ITFG1: variants seen among roughly 807,000 people sequenced by gnomAD.
ITFG1 encodes the protein integrin alpha FG-GAP repeat containing 1, also known as T-cell immunomodulatory protein.
A neutral mutation model predicts 81.8 loss-of-function variants in ITFG1; 34 were observed. The ratio of observed to expected loss-of-function variants is 0.42; its 90% CI spans 0.32 to 0.55. ITFG1 has a LOEUF of 0.55. ITFG1 is among the 20% of genes least tolerant of loss of function. The pLI is 0.17. For missense variants in ITFG1, 672 were observed against 755.4 expected (o/e 0.89, Z 1.29); for synonymous variants, 285 against 270.6 (o/e 1.05, Z -0.52).
At chr16:47,273,236 A>G (rs115960711) in intron 10 of ITFG1, among the ~76,000 whole-genome samples, 3,079 of 152,128 alleles carry the variant, frequency 0.02, 105 homozygotes, top group African/African-American at 0.07. Flanking sequence ...AAGAGCTTCA[A>G]TGTGGGGATA....
At chr16:47,415,679 A>G (rs1968864692) in intron 6 of ITFG1, among the ~76,000 whole-genome samples, 1 of 152,162 alleles carries the variant, frequency 6.6e-6, no homozygotes, top group Non-Finnish European at 1.5e-5. Flanking sequence ...TTTTCCAATC[A>G]TAATGATTGG....
intron 8 of ITFG1, among the ~76,000 whole-genome samples, chr16:47,340,926 C>G (rs954532978): frequency 4.0e-5 from 6 of 151,898 alleles, no homozygotes; most frequent in Admixed American, 3.9e-4. Flanking sequence ...GACAATTCAC[C>G]AAGAAGATAT....
At chr16:47,294,398 C>A (rs1348757115) in intron 10 of ITFG1, among the ~76,000 whole-genome samples, 1 of 152,048 alleles carries the variant, frequency 6.6e-6, no homozygotes, top group Non-Finnish European at 1.5e-5. Flanking sequence ...TGAAAACTGA[C>A]ATTGGCATTT....
At chr16:47,177,342 A>G (rs532944413) in intron 14 of ITFG1, among the ~76,000 whole-genome samples, 1 of 152,214 alleles carries the variant, frequency 6.6e-6, no homozygotes, top group East Asian at 1.9e-4. Context: ...ACTTGGGGTA[A>G]TAATTTGTGT....
chr16:47,293,179 C>T (rs376552736), intron 10 of ITFG1, among the ~76,000 whole-genome samples: 52 of 121,676 alleles, frequency 4.3e-4, no homozygotes, highest in African/African-American at 1.9e-3. Context: ...ATATCATATA[C>T]AAATGATATA....
rs746470617 is a variant in ITFG1 at position 47,454,127 on chromosome 16, G to A, written c.313C>T (p.Pro105Ser). The A allele has an allele frequency of 3.1e-6, 5 of 1,606,324 alleles. No homozygotes were observed. Among genetic ancestry groups the A allele is most frequent in the South Asian group, 1.1e-5 (1 of 90,178 alleles). The change falls in exon 3 of 18, where the codon CCT (proline) becomes TCT (serine). Residue 105 changes from proline to serine, a missense_variant. Transcript: ENST00000320640. ...NHSALITSVVPGDYDGDSQMD... is the reference protein window; with the variant it reads ...NHSALITSVVSGDYDGDSQMD... Reference sequence around the variant, plus strand: ...TGAGAATCTCCATCATAATCCCCAGGGACTACACTTGTTATCAATGCACTG... The same window carrying A: ...TGAGAATCTCCATCATAATCCCCAGAGACTACACTTGTTATCAATGCACTG...
chr16:47,312,902 A>T (rs188102458), intron 9 of ITFG1: 48 of 152,324 alleles, frequency 3.2e-4, no homozygotes, highest in Admixed American at 2.9e-3. Flanking sequence ...AATTACTAGG[A>T]TTACTAATAA....
chr16:47,361,016 T>C (rs1869061290), intron 8 of ITFG1, among the ~76,000 whole-genome samples: 1 of 152,184 alleles, frequency 6.6e-6, no homozygotes, highest in Non-Finnish European at 1.5e-5. Flanking sequence ...AATGACACTA[T>C]CTTTAAGTTG....
At chr16:47,322,095 A>C (rs1967457029) in intron 8 of ITFG1, among the ~76,000 whole-genome samples, 1 of 152,194 alleles carries the variant, frequency 6.6e-6, no homozygotes, top group South Asian at 2.1e-4. Flanking sequence ...GCACATATAC[A>C]GAATTAATGT....
chr16:47,425,017 T>C (rs1969001382), intron 6 of ITFG1, among the ~76,000 whole-genome samples: 1 of 152,112 alleles, frequency 6.6e-6, no homozygotes, highest in South Asian at 2.1e-4. Context: ...TCCGCCGCCT[T>C]TTGTTCTGCT....
chr16:47,226,605 G>A (rs1221374205), intron 13 of ITFG1, among the ~76,000 whole-genome samples: 1 of 141,344 alleles, frequency 7.1e-6, no homozygotes. Flanking sequence ...TCCCACCTAC[G>A]AGTGACAACA....
intron 5 of ITFG1, among the ~76,000 whole-genome samples, chr16:47,433,921 C>T: frequency 9.7e-6 from 1 of 103,420 alleles, no homozygotes; most frequent in Admixed American, 1.2e-4. Flanking sequence ...TCAATAAGAA[C>T]TAAAGTGTTA....
chr16:47,166,891 T>A (rs1489094483), intron 14 of ITFG1, among the ~76,000 whole-genome samples: 2 of 152,218 alleles, frequency 1.3e-5, no homozygotes, highest in African/African-American at 4.8e-5. Context: ...AGGAGAGGGT[T>A]GCATCACTTT....
chr16:47,322,506 T>C (rs978293585), intron 8 of ITFG1, among the ~76,000 whole-genome samples: 2 of 152,114 alleles, frequency 1.3e-5, no homozygotes, highest in South Asian at 2.1e-4. Flanking sequence ...CTGGCCAACA[T>C]GGCAAAACCC....
Position 47,293,103 on chromosome 16 carries a change from T to C in ITFG1, c.1070+18137A>G, listed in dbSNP as rs147356838. Among the ~76,000 whole-genome samples the C allele has an allele frequency of 3.5e-3, 520 of 147,654 alleles. 2 individuals carry two copies. Among genetic ancestry groups the C allele is most frequent in the Non-Finnish European group, 6.2e-3 (415 of 67,212 alleles). On this transcript the variant is annotated intron_variant, in intron 10 of 17. Coordinates refer to ENST00000320640, the MANE Select transcript of ITFG1 (RefSeq NM_030790.5). ...ATGTATGTGTATATATGTATATACATATGATATATATCATATACAAGCATG... is the reference window on the plus strand; with the variant it reads ...ATGTATGTGTATATATGTATATACACATGATATATATCATATACAAGCATG...
rs552947905 is a variant in ITFG1 at position 47,445,835 on chromosome 16, T to C, written c.560+5561A>G. Among the ~76,000 whole-genome samples the C allele has an allele frequency of 2.6e-5, 4 of 152,268 alleles. No homozygotes were observed. In the East Asian group the frequency reaches 5.8e-4, roughly 22 times the overall value. Reference sequence around the variant, plus strand: ...GCCATGGAGAGAGAGGTGGAGGCCATATGAAGGAGCACCACCAAAGGCCCC... The same window carrying C: ...GCCATGGAGAGAGAGGTGGAGGCCACATGAAGGAGCACCACCAAAGGCCCC... On this transcript the variant is annotated intron_variant, in intron 5 of 17. Coordinates refer to ENST00000320640, the MANE Select transcript of ITFG1 (RefSeq NM_030790.5).
chr16:47,261,166 A>G (rs948252468), intron 10 of ITFG1, among the ~76,000 whole-genome samples: 1 of 152,240 alleles, frequency 6.6e-6, no homozygotes, highest in South Asian at 2.1e-4. Context: ...AGATAACAGA[A>G]GCATCATACG....
intron 13 of ITFG1, among the ~76,000 whole-genome samples, chr16:47,228,800 T>C (rs922673877): frequency 1.3e-5 from 2 of 152,264 alleles, no homozygotes; most frequent in Admixed American, 1.3e-4. Flanking sequence ...TATTAAAAAT[T>C]AATTGTTGTA....
At chr16:47,281,392 C>T (rs1282240526) in intron 10 of ITFG1, among the ~76,000 whole-genome samples, 3 of 152,078 alleles carry the variant, frequency 2.0e-5, no homozygotes, top group Admixed American at 1.3e-4. Context: ...CATCAGCCTC[C>T]TAAATTTAGT....
Sources: gnomAD v4.1 joint callset for allele counts (sites outside exome capture counted in the v4.1 genomes callset) on GRCh38, gnomAD v4.1.1 for gene constraint, MANE v1.5 for transcripts, NCBI Gene and HGNC (gene_info 2026-07-23, HGNC 2026-07-21) for gene names.